Variants in CDH10 observed in about 807,000 individuals in gnomAD.
CDH10 encodes the protein cadherin-10.
In CDH10, 30 loss-of-function variants were observed where a neutral mutation model predicts 73.1. The ratio of observed to expected loss-of-function variants is 0.41; its 90% CI spans 0.31 to 0.56. CDH10 has a LOEUF of 0.56. CDH10 is among the 20% of genes least tolerant of loss of function. The probability of loss-of-function intolerance (pLI) is 0.27; values close to 1 mark genes in which losing one functional copy is unlikely to be tolerated. For missense variants in CDH10, 815 were observed against 973.7 expected, an observed-to-expected ratio of 0.84 and a Z score of 2.17; for synonymous variants, 345 against 348.2, an observed-to-expected ratio of 0.99 and a Z score of 0.10.
intron 5 of CDH10, among the ~76,000 whole-genome samples, chr5:24,512,956 C>T (rs1250220363): frequency 6.6e-6 from 1 of 151,988 alleles, no homozygotes; most frequent in Non-Finnish European, 1.5e-5. Context: ...CTAGGCAAAA[C>T]TTAATTTCCT....
At chr5:24,617,552 C>A (rs1351896553) in intron 1 of CDH10, among the ~76,000 whole-genome samples, 1 of 152,026 alleles carries the variant, frequency 6.6e-6, no homozygotes, top group African/African-American at 2.4e-5. Flanking sequence ...TTCTAAATGA[C>A]TTTAAGAGCA....
intron 5 of CDH10, among the ~76,000 whole-genome samples, chr5:24,533,022 G>T (rs545944459): frequency 6.6e-6 from 1 of 151,856 alleles, no homozygotes; most frequent in Non-Finnish European, 1.5e-5. Context: ...TGTTCCCAAA[G>T]GTCAGATAAG....
At chr5:24,549,550 A>C (rs1291252482) in intron 2 of CDH10, among the ~76,000 whole-genome samples, 1 of 88,404 alleles carries the variant, frequency 1.1e-5, no homozygotes, top group East Asian at 4.1e-4. Flanking sequence ...CAATGGAATG[A>C]CTTTTTTTTT....
chr5:24,630,561 A>AG (rs1258431903), intron 1 of CDH10, among the ~76,000 whole-genome samples: 1 of 151,656 alleles, frequency 6.6e-6, no homozygotes, highest in Non-Finnish European at 1.5e-5. Context: ...AAAAAAAAAA[A>AG]AAAAAGAATA....
chr5:24,642,195 C>A (rs1352065870), intron 1 of CDH10, among the ~76,000 whole-genome samples: 1 of 152,028 alleles, frequency 6.6e-6, no homozygotes, highest in Admixed American at 6.6e-5. Context: ...ATCATCAGAG[C>A]CAATACTGCT....
intron 2 of CDH10, among the ~76,000 whole-genome samples, chr5:24,581,693 C>T (rs1325274832): frequency 1.3e-5 from 2 of 152,074 alleles, no homozygotes; most frequent in Admixed American, 1.3e-4. Context: ...ATTGGTAAAA[C>T]ACTTGAAAAA....
rs1362935545 is a variant in CDH10 at position 24,628,835 on chromosome 5, T to G, written c.-124+15759A>C. Among the ~76,000 whole-genome samples the G allele has an allele frequency of 1.9e-5, 2 of 104,386 alleles. 1 individual carries two copies. 68.5% of individuals were successfully genotyped at this position (104,386 alleles called of 152,430 possible). The stretch of plus-strand genomic sequence containing the variant: ...ACACTTGCCGCCCCCCCCACCCCGC[T>G]CCCCACCTTGACACACACACACACA... On this transcript the variant is annotated intron_variant, in intron 1 of 11. Transcript: ENST00000264463.
chr5:24,574,924 T>TCA (rs1745541041), intron 2 of CDH10, among the ~76,000 whole-genome samples: 1 of 151,864 alleles, frequency 6.6e-6, no homozygotes, highest in African/African-American at 2.4e-5. Context: ...GAAAGATACC[T>TCA]TAAATGTAAA....
At chr5:24,490,433 T>TGC (rs10650451) in intron 11 of CDH10, among the ~76,000 whole-genome samples, 1 of 3,820 alleles carries the variant, frequency 2.6e-4, no homozygotes, top group East Asian at 8.3e-3. Context: ...AATTATAAAA[T>TGC]ATATTTTTTA....
At chr5:24,513,630 T>G (rs1408232148) in intron 5 of CDH10, among the ~76,000 whole-genome samples, 1 of 152,208 alleles carries the variant, frequency 6.6e-6, no homozygotes, top group Non-Finnish European at 1.5e-5. Context: ...GGAAGTCATT[T>G]CCTAAGAGGC....
chr5:24,588,395 T>C (rs370941351), intron 2 of CDH10, among the ~76,000 whole-genome samples: 2 of 152,324 alleles, frequency 1.3e-5, no homozygotes, highest in East Asian at 3.9e-4. Flanking sequence ...ATGTAGGTCC[T>C]TTTGGTCATG....
chr5:24,630,461 G>A (rs1252951551), intron 1 of CDH10, among the ~76,000 whole-genome samples: 1 of 151,310 alleles, frequency 6.6e-6, no homozygotes, highest in Non-Finnish European at 1.5e-5. Flanking sequence ...GTTGAGGCAT[G>A]AGAATTGCTT....
intron 1 of CDH10, among the ~76,000 whole-genome samples, chr5:24,632,045 T>C (rs2112198511): frequency 6.6e-6 from 1 of 152,228 alleles, no homozygotes; most frequent in Admixed American, 6.6e-5. Context: ...GATGGTTGAC[T>C]ATGAAAATCT....
At chr5:24,548,027 GA>G (rs1358087738) in intron 2 of CDH10, among the ~76,000 whole-genome samples, 2 of 152,186 alleles carry the variant, frequency 1.3e-5, no homozygotes, top group Non-Finnish European at 2.9e-5. Context: ...AATCTACAGG[GA>G]AGGGCAGCAG....
chr5:24,524,569 T>C (rs1743456381), intron 5 of CDH10, among the ~76,000 whole-genome samples: 2 of 152,136 alleles, frequency 1.3e-5, no homozygotes, highest in Admixed American at 1.3e-4. Context: ...ATAGTTGTTT[T>C]AAATTCATTT....
intron 7 of CDH10, among the ~76,000 whole-genome samples, chr5:24,507,074 C>T (rs900276352): frequency 8.5e-5 from 13 of 152,096 alleles, no homozygotes; most frequent in African/African-American, 3.1e-4. Context: ...ATTTCCAGAA[C>T]ACACATTTTA....
At chr5:24,628,649 CCT>C (rs527888858) in intron 1 of CDH10, among the ~76,000 whole-genome samples, 6 of 151,890 alleles carry the variant, frequency 4.0e-5, no homozygotes, top group Non-Finnish European at 4.4e-5. Flanking sequence ...TTAAATAATA[CCT>C]CTTTTATAAA....
At chr5:24,550,573 T>A (rs1470648677) in intron 2 of CDH10, among the ~76,000 whole-genome samples, 2 of 152,166 alleles carry the variant, frequency 1.3e-5, no homozygotes, top group Non-Finnish European at 2.9e-5. Context: ...TCTATCTTTT[T>A]CTCCCTTTCT....
intron 1 of CDH10, among the ~76,000 whole-genome samples, chr5:24,626,195 G>T (rs1364640954): frequency 6.6e-6 from 1 of 152,070 alleles, no homozygotes; most frequent in Non-Finnish European, 1.5e-5. Context: ...TGTGGTTGAC[G>T]ACTATGTGAA....
Sources: gnomAD v4.1 joint callset for allele counts (sites outside exome capture counted in the v4.1 genomes callset) on GRCh38, gnomAD v4.1.1 for gene constraint, MANE v1.5 for transcripts, NCBI Gene and HGNC (gene_info 2026-07-23, HGNC 2026-07-21) for gene names.